CDKN2B-AS1: variants seen among roughly 807,000 people sequenced by gnomAD.
The protein encoded by CDKN2B-AS1 is CDKN2B antisense RNA 1 (non-protein coding).
chr9:22,023,260 C>G (rs1465070209), intron 1 of CDKN2B-AS1, among the ~76,000 whole-genome samples: 1 of 152,054 alleles, frequency 6.6e-6, no homozygotes, highest in East Asian at 1.9e-4. Context: ...TCAGGTAAAC[C>G]AATGAATTGT....
intron 1 of CDKN2B-AS1, chr9:22,008,961 C>T (rs1281831012): frequency 2.5e-6 from 4 of 1,612,956 alleles, no homozygotes; most frequent in East Asian, 2.2e-5. Context: ...CATTCCGCAG[C>T]CCCCAGACGC....
rs1391115385 is a variant in CDKN2B-AS1 at position 21,999,429 on chromosome 9, T to C, written n.29+4268T>C. On this transcript the variant is annotated intron_variant and non_coding_transcript_variant, in intron 1 of 4. Coordinates refer to ENST00000650946, the Ensembl canonical transcript of CDKN2B-AS1. This position sits in a 1 kb window ranked among gnomAD's most constrained non-coding sequence, Gnocchi z 4.7. ...ATGTATGTAACATATATAATACATA[T>C]CTTTATATACACATATGTACACACA... is the stretch of plus-strand genomic sequence containing the variant. Among the ~76,000 whole-genome samples the C allele has an allele frequency of 6.6e-6, 1 of 151,906 alleles. No individual in the cohort carries two copies. Among genetic ancestry groups the C allele is most frequent in the East Asian group, 1.9e-4 (1 of 5,190 alleles).
At chr9:22,116,345 A>G (rs866475052) in intron 4 of CDKN2B-AS1, among the ~76,000 whole-genome samples, 1 of 152,182 alleles carries the variant, frequency 6.6e-6, no homozygotes, top group African/African-American at 2.4e-5. Flanking sequence ...ATGTGCCACA[A>G]CTGTTCTGGA....
intron 1 of CDKN2B-AS1, among the ~76,000 whole-genome samples, chr9:22,026,166 G>A (rs181063687): frequency 5.3e-4 from 81 of 152,028 alleles, no homozygotes; most frequent in Admixed American, 3.6e-3. Context: ...TTCCACCCCT[G>A]CTTAAGCTCC....
intron 1 of CDKN2B-AS1, among the ~76,000 whole-genome samples, chr9:22,028,927 A>G (rs1053325967): frequency 6.6e-6 from 1 of 152,212 alleles, no homozygotes; most frequent in African/African-American, 2.4e-5. Flanking sequence ...TATGAAACAC[A>G]GATTGATTAT....
At chr9:22,009,510 T>G (rs1821392265) in intron 1 of CDKN2B-AS1, 2 of 236,708 alleles carry the variant, frequency 8.4e-6, no homozygotes, top group Non-Finnish European at 8.3e-6. Flanking sequence ...GAATGCTGGC[T>G]GCACTGCTCG....
chr9:22,081,916 T>A (rs1484197760), intron 4 of CDKN2B-AS1, among the ~76,000 whole-genome samples: 3 of 152,230 alleles, frequency 2.0e-5, no homozygotes, highest in Admixed American at 6.5e-5. Flanking sequence ...GAGTTTTTTT[T>A]ACTCTGTCTC....
chr9:22,069,175 T>C (rs1490534832), intron 4 of CDKN2B-AS1, among the ~76,000 whole-genome samples: 1 of 152,156 alleles, frequency 6.6e-6, no homozygotes, highest in Admixed American at 6.5e-5. Flanking sequence ...ATTTCATTCC[T>C]GGGCCCCTGT....
chr9:22,017,497 C>T (rs1057363089), intron 1 of CDKN2B-AS1, among the ~76,000 whole-genome samples: 2 of 152,148 alleles, frequency 1.3e-5, no homozygotes, highest in African/African-American at 4.8e-5. Flanking sequence ...TGAACTCTGG[C>T]ATATAATTAT....
At chr9:22,043,321 CAT>C (rs762315214) in intron 1 of CDKN2B-AS1, among the ~76,000 whole-genome samples, 12 of 152,060 alleles carry the variant, frequency 7.9e-5, no homozygotes, top group Non-Finnish European at 1.5e-5. Flanking sequence ...CGGTAAGAAA[CAT>C]ATGATGTTGA....
At chr9:22,002,581 T>C (rs1468766110) in intron 1 of CDKN2B-AS1, among the ~76,000 whole-genome samples, 1 of 152,070 alleles carries the variant, frequency 6.6e-6, no homozygotes, top group Non-Finnish European at 1.5e-5. Flanking sequence ...AAATTAGTTT[T>C]TGTATATATT....
At chr9:22,007,845 T>G (rs1294250985) in intron 1 of CDKN2B-AS1, among the ~76,000 whole-genome samples, 1 of 152,202 alleles carries the variant, frequency 6.6e-6, no homozygotes, top group Non-Finnish European at 1.5e-5. Flanking sequence ...ACAATATTTT[T>G]GCTCCTTTAA....
chr9:22,107,412 T>C (rs1189227063), intron 4 of CDKN2B-AS1, among the ~76,000 whole-genome samples: 1 of 152,184 alleles, frequency 6.6e-6, no homozygotes, highest in Non-Finnish European at 1.5e-5. Context: ...CTTTGCACTC[T>C]CAGTCTAGAC....
chr9:22,126,583 T>TA (rs1181548550), intron 4 of CDKN2B-AS1, among the ~76,000 whole-genome samples: 2 of 145,388 alleles, frequency 1.4e-5, no homozygotes, highest in Non-Finnish European at 3.0e-5. Flanking sequence ...TCTTTTTTTT[T>TA]TTTTTTTTTT....
At chr9:22,017,738 A>G (rs138856038) in intron 1 of CDKN2B-AS1, among the ~76,000 whole-genome samples, 2 of 152,216 alleles carry the variant, frequency 1.3e-5, no homozygotes, top group African/African-American at 4.8e-5. Flanking sequence ...ATTGGTATAT[A>G]TTTGTTCATT....
At chr9:22,089,138 G>A (rs913719871) in intron 4 of CDKN2B-AS1, among the ~76,000 whole-genome samples, 24 of 152,154 alleles carry the variant, frequency 1.6e-4, no homozygotes, top group African/African-American at 4.3e-4. Flanking sequence ...GGCACAGGAT[G>A]AGCAACAAGA....
Position 22,006,110 on chromosome 9 carries a change from C to T in CDKN2B-AS1, n.29+10949C>T, listed in dbSNP as rs1290964792. 6.2e-7 allele frequency: 1 copy of T among 1,610,232 alleles called. No individual in the cohort carries two copies. The highest frequency in any genetic ancestry group is 1.1e-5 in the South Asian group (1 of 91,048). On this transcript the variant is annotated intron_variant and non_coding_transcript_variant, in intron 1 of 4. Coordinates refer to ENST00000650946, the Ensembl canonical transcript of CDKN2B-AS1. The surrounding 1 kb of genome is among the most constrained non-coding windows in gnomAD (Gnocchi z 6.4). The stretch of plus-strand genomic sequence containing the variant: ...CCAGCCGCGCCCCGGCCCGGTGCAG[C>T]ACCACCAGCGTGTCCAGGAAGCCCT...
chr9:22,127,993 C>T (rs771383719), exon 5 of CDKN2B-AS1, among the ~76,000 whole-genome samples: 3 of 152,152 alleles, frequency 2.0e-5, no homozygotes, highest in Non-Finnish European at 4.4e-5. Flanking sequence ...TTTAATCCTT[C>T]CATGTCTCAT....
At chr9:22,055,348 G>A (rs1223175189) in intron 3 of CDKN2B-AS1, among the ~76,000 whole-genome samples, 1 of 152,072 alleles carries the variant, frequency 6.6e-6, no homozygotes, top group Non-Finnish European at 1.5e-5. Context: ...GCTTGGATTA[G>A]GACAGTCTTT....
Sources: gnomAD v4.1 joint callset for allele counts (sites outside exome capture counted in the v4.1 genomes callset) on GRCh38, gnomAD v4.1.1 for gene constraint, Gnocchi (gnomAD v3.1) non-coding constraint, MANE v1.5 for transcripts, NCBI Gene and HGNC (gene_info 2026-07-23, HGNC 2026-07-21) for gene names.